Variants in UCN3 observed in about 807,000 individuals in gnomAD.
UCN3 encodes urocortin-3.
Under a neutral mutation model 3.6 loss-of-function variants are expected in UCN3, and 3 were observed. That is an observed-to-expected ratio of 0.83 (90% CI 0.38 to 2.15). The LOEUF (loss-of-function observed/expected upper bound fraction) is 2.15, where lower values mean the gene tolerates loss of function less well. Ranked by LOEUF, UCN3 falls within the 30% of genes most tolerant of loss-of-function variation. The pLI is 0.06. For missense variants in UCN3, 206 were observed against 208.3 expected, an observed-to-expected ratio of 0.99 and a Z score of 0.07; for synonymous variants, 100 against 93.2, an observed-to-expected ratio of 1.07 and a Z score of -0.42.
rs1473846164 is a variant in UCN3, at chr10:5,370,100, TGC to T, written c.-6-3613_-6-3612del. On this transcript the variant is annotated intron_variant, in intron 1 of 1. Coordinates refer to ENST00000380433, the MANE Select transcript of UCN3 (RefSeq NM_053049.4). ...ATGCGTGTGTATATGCGTGTGTATA[TGC>T]GTGTGTATATGTGTGTGTATGTGTG... Among the ~76,000 whole-genome samples the T allele has an allele frequency of 4.1e-4, 44 of 106,282 alleles. 5 individuals are homozygous for T. The highest frequency in any genetic ancestry group is 8.0e-4 in the South Asian group (2 of 2,514). 69.7% of individuals were successfully genotyped at this position (106,282 alleles called of 152,430 possible).
chr10:5,366,447 T>C lies in UCN3; in HGVS notation c.-7+1217T>C, dbSNP rs1834118343. 6.6e-6 allele frequency among the ~76,000 whole-genome samples: 1 copy of C among 152,188 alleles called. No individual in the cohort carries two copies. ...CTTTTGTGCTGTTTCACCAAGAATATGGCAGAAGAGTCCAAGGAATGTAAA... is the reference window on the plus strand; with the variant it reads ...CTTTTGTGCTGTTTCACCAAGAATACGGCAGAAGAGTCCAAGGAATGTAAA... On this transcript the variant is annotated intron_variant, in intron 1 of 1. Coordinates refer to ENST00000380433, the MANE Select transcript of UCN3 (RefSeq NM_053049.4). The surrounding 1 kb of genome is among the most constrained non-coding windows in gnomAD (Gnocchi z 4.2).
rs782095871 is a variant in UCN3, at chr10:5,373,911, G to A, written c.191G>A (p.Ser64Asn). 1.7e-5 allele frequency: 27 copies of A among 1,613,636 alleles called. No homozygotes were observed. The South Asian group carries it at 2.9e-4, about 17-fold the overall frequency. The change falls in exon 2 of 2, where the codon AGC becomes AAC. Residue 64 changes from serine to asparagine, a missense_variant. Physicochemically the swap from Ser to Asn is conservative, Grantham distance 46. Transcript: ENST00000380433. ...LSKRSFHYLR[S>N]RDASSGEEEE... ...AAGAGGAGCTTCCACTACCTGCGCA[G>A]CAGAGACGCCTCTTCGGGAGAGGAG...
intron 1 of UCN3, among the ~76,000 whole-genome samples, chr10:5,370,381 GTA>G (rs1481687781): frequency 2.4e-5 from 2 of 83,706 alleles, no homozygotes; most frequent in Non-Finnish European, 2.2e-5. Context: ...GTATATGCGT[GTA>G]TATGCGTGTG....
At chr10:5,372,009 TGA>T (rs1831435241) in intron 1 of UCN3, among the ~76,000 whole-genome samples, 1 of 152,196 alleles carries the variant, frequency 6.6e-6, no homozygotes, top group Non-Finnish European at 1.5e-5. Context: ...CACACCGCAA[TGA>T]GAGAACAGGC....
chr10:5,372,379 CAAGCCCTTCT>C (rs1831442567), intron 1 of UCN3, among the ~76,000 whole-genome samples: 1 of 152,192 alleles, frequency 6.6e-6, no homozygotes, highest in South Asian at 2.1e-4. Context: ...TGGCTCAGCA[CAAGCCCTTCT>C]CCCCTGATGG....
chr10:5,370,115 GTGTGTA>G (rs1468864559), intron 1 of UCN3, among the ~76,000 whole-genome samples: 14 of 97,740 alleles, frequency 1.4e-4, no homozygotes, highest in Non-Finnish European at 7.6e-5. Context: ...GTGTATATGT[GTGTGTA>G]TGTGTGTGTA....
Position 5,370,445 on chromosome 10 carries a change from ATG to A in UCN3, c.-6-3260_-6-3259del, listed in dbSNP as rs1198154533. Among the ~76,000 whole-genome samples, 386 of 50,786 alleles carry A rather than the reference ATG, an allele frequency of 7.6e-3. 24 individuals are homozygous for A. Among genetic ancestry groups the A allele is most frequent in the Middle Eastern group, 0.021 (1 of 48 alleles). The allele number at this position is 50,786 out of a possible 152,430, so 33.3% of individuals were successfully genotyped here. A position where few individuals can be genotyped will look rare whatever the true frequency, so the allele number is the denominator to read the frequency against. On this transcript the variant is annotated intron_variant, in intron 1 of 1. Transcript: ENST00000380433. ...TATATGCGTGTGTATATGCGTGTGTATGTGTGTGTGTATATGTGTGTATATGC... is the reference window on the plus strand; with the variant it reads ...TATATGCGTGTGTATATGCGTGTGTATGTGTGTGTATATGTGTGTATATGC...
rs1156663637 is a variant in UCN3, at chr10:5,372,716, A to ATTTT, written c.-6-983_-6-980dup. 3.5e-3 allele frequency among the ~76,000 whole-genome samples: 448 copies of ATTTT among 127,660 alleles called. 7 individuals carry two copies. Among genetic ancestry groups the ATTTT allele is most frequent in the East Asian group, 0.014 (59 of 4,268 alleles). The allele number at this position is 127,660 out of a possible 152,430, so 83.7% of individuals were successfully genotyped here. On this transcript the variant is annotated intron_variant, in intron 1 of 1. Transcript: ENST00000380433. ...AGGTGCACACCACCACGCCCAGCTAATTTTTTTTTTTTTTTTTTTGTAGAG... is the reference window on the plus strand; with the variant it reads ...AGGTGCACACCACCACGCCCAGCTAATTTTTTTTTTTTTTTTTTTTTTTGTAGAG...
Position 5,374,130 on chromosome 10 carries a change from T to C in UCN3, c.410T>C (p.Ile137Thr). 1 of 1,612,690 alleles carries C rather than the reference T, an allele frequency of 6.2e-7. No homozygotes were observed. Among genetic ancestry groups the C allele is most frequent in the Non-Finnish European group, 8.5e-7 (1 of 1,179,778 alleles). ...AACATCATGAACCTCCTCTTCAACA[T>C]CGCCAAGGCCAAGAACCTGCGTGCC... ...PTNIMNLLFN[I>T]AKAKNLRAQA... The change falls in exon 2 of 2, where the codon ATC becomes ACC. Residue 137 changes from isoleucine to threonine, a missense_variant. Physicochemically the swap from Ile to Thr is moderately conservative, Grantham distance 89 (BLOSUM62 -1). Coordinates refer to ENST00000380433, the MANE Select transcript of UCN3 (RefSeq NM_053049.4).
At chr10:5,370,700 T>C (rs201556157) in intron 1 of UCN3, among the ~76,000 whole-genome samples, 725 of 64,826 alleles carry the variant, frequency 0.011, 26 homozygotes, top group Admixed American at 0.018. Flanking sequence ...TGTGTATATG[T>C]GTGTGTATAT....
intron 1 of UCN3, among the ~76,000 whole-genome samples, chr10:5,371,035 G>T (rs1831417400): frequency 6.7e-6 from 1 of 149,908 alleles, no homozygotes; most frequent in South Asian, 2.1e-4. Context: ...GTGTGCATGT[G>T]TCTATATGTA....
In UCN3 at chr10:5,374,165, G is replaced by A. The variant is rs144797211; in HGVS notation, c.445G>A (p.Ala149Thr). The change falls in exon 2 of 2, where the codon GCC becomes ACC. Residue 149 changes from alanine (A) to threonine (T), a missense_variant. Coordinates refer to ENST00000380433, the MANE Select transcript of UCN3 (RefSeq NM_053049.4). ...KAKNLRAQAAANAHLMAQIGR... is the reference protein window; with the variant it reads ...KAKNLRAQAATNAHLMAQIGR... ...CAAGAACCTGCGTGCCCAGGCGGCC[G>A]CCAATGCCCACCTGATGGCGCAAAT... 223 of 1,610,744 alleles carry A rather than the reference G, an allele frequency of 1.4e-4. No individual in the cohort carries two copies. The African/African-American group carries it at 1.5e-3, about 11-fold the overall frequency.
chr10:5,374,505 G>A lies in UCN3; in HGVS notation c.*299G>A, dbSNP rs781829605. 2.5e-5 allele frequency: 8 copies of A among 321,550 alleles called. No individual in the cohort carries two copies. The highest frequency in any genetic ancestry group is 4.7e-5 in the Non-Finnish European group (8 of 170,304). The allele number at this position is 321,550 out of a possible 1,614,324, so 19.9% of individuals were successfully genotyped here. On this transcript the variant is annotated 3_prime_UTR_variant, in exon 2 of 2. Coordinates refer to ENST00000380433, the MANE Select transcript of UCN3 (RefSeq NM_053049.4). ...TCCTTCCTCCCTCCCCACAGCAAGAGGCAAAGTTCATGCATTCCTCCTCTC... is the reference window on the plus strand; with the variant it reads ...TCCTTCCTCCCTCCCCACAGCAAGAAGCAAAGTTCATGCATTCCTCCTCTC...
At chr10:5,369,588 C>A (rs1407980266) in intron 1 of UCN3, among the ~76,000 whole-genome samples, 1 of 152,238 alleles carries the variant, frequency 6.6e-6, no homozygotes, top group Non-Finnish European at 1.5e-5. Flanking sequence ...GTTGTTCTCA[C>A]TTCGCCAGGC....
chr10:5,370,143 G>GTA lies in UCN3; in HGVS notation c.-6-3572_-6-3571insTA, dbSNP rs1831341188. ...TGTATGTGTGTGTATGTGTGTGTAT[G>GTA]CGTGTGTATATGTGTGTGTATATGT... On this transcript the variant is annotated intron_variant, in intron 1 of 1. Coordinates refer to ENST00000380433, the MANE Select transcript of UCN3 (RefSeq NM_053049.4). Among the ~76,000 whole-genome samples, 2 of 46,074 alleles carry GTA rather than the reference G, an allele frequency of 4.3e-5. 1 individual carries two copies. The highest frequency in any genetic ancestry group is 8.0e-5 in the Non-Finnish European group (2 of 25,122). 30.2% of individuals were successfully genotyped at this position (46,074 alleles called of 152,430 possible). A position where few individuals can be genotyped will look rare whatever the true frequency, so the allele number is the denominator to read the frequency against.
At chr10:5,370,582 T>TGTGTATATGTGTGTGTATATGC (rs1564443208) in intron 1 of UCN3, among the ~76,000 whole-genome samples, 1 of 108,032 alleles carries the variant, frequency 9.3e-6, no homozygotes, top group Non-Finnish European at 1.9e-5. Context: ...CGTGTATATG[T>TGTGTATATGTGTGTGTATATGC]GTGTATATGT....
Position 5,366,093 on chromosome 10 carries a change from T to G in UCN3, c.-7+863T>G, listed in dbSNP as rs542587038. ...TGCAGACAAACGGAGCCCACAGGAA[T>G]AGCTCTGCACTTGGCAGAGATGTGT... is the stretch of plus-strand genomic sequence containing the variant. On this transcript the variant is annotated intron_variant, in intron 1 of 1. Coordinates refer to ENST00000380433, the MANE Select transcript of UCN3 (RefSeq NM_053049.4). This position sits in a 1 kb window ranked among gnomAD's most constrained non-coding sequence, Gnocchi z 4.2. 9.2e-5 allele frequency among the ~76,000 whole-genome samples: 14 copies of G among 152,336 alleles called. No individual in the cohort carries two copies. The East Asian group carries it at 2.7e-3, about 29-fold the overall frequency.
rs782611038 is a variant in UCN3, at chr10:5,372,037, C to T, written c.-6-1678C>T. Among the ~76,000 whole-genome samples, 85 of 152,314 alleles carry T rather than the reference C, an allele frequency of 5.6e-4. 1 individual carries two copies. The highest frequency in any genetic ancestry group is 6.9e-4 in the Non-Finnish European group (47 of 68,026). ...GAGAACAGGCATGTCGGGGTGTGAGCGGGGCCCGCAGACGGCAGCCGTGCT... is the reference window on the plus strand; with the variant it reads ...GAGAACAGGCATGTCGGGGTGTGAGTGGGGCCCGCAGACGGCAGCCGTGCT... On this transcript the variant is annotated intron_variant, in intron 1 of 1. Transcript: ENST00000380433.
intron 1 of UCN3, among the ~76,000 whole-genome samples, chr10:5,372,988 A>C (rs1236570302): frequency 6.6e-6 from 1 of 152,108 alleles, no homozygotes; most frequent in Non-Finnish European, 1.5e-5. Context: ...GATAACCAGG[A>C]TCCCACACAT....
Sources: allele counts gnomAD v4.1 joint callset (sites outside exome capture counted in the v4.1 genomes callset), GRCh38; gene constraint gnomAD v4.1.1; non-coding constraint Gnocchi (gnomAD v3.1); transcripts MANE v1.5; gene names NCBI Gene and HGNC (gene_info 2026-07-23, HGNC 2026-07-21).